The following SGPP2 variants were observed in gnomAD, a reference collection of about 807,000 sequenced individuals.
The protein encoded by SGPP2 is sphingosine 1-phosphate phosphohydrolase 2.
A neutral mutation model predicts 33.9 loss-of-function variants in SGPP2; 30 were observed. The ratio of observed to expected loss-of-function variants is 0.89; its 90% CI spans 0.66 to 1.20. SGPP2 has a LOEUF of 1.20. SGPP2 is among the 50% of genes most tolerant of loss of function. SGPP2 has a pLI of 0.00. For missense variants in SGPP2, 458 were observed against 532.1 expected, an observed-to-expected ratio of 0.86 and a Z score of 1.37; for synonymous variants, 233 against 225.0, an observed-to-expected ratio of 1.04 and a Z score of -0.32.
chr2:222,424,140 C>T (rs568843554), upstream of SGPP2, among the ~76,000 whole-genome samples: 186 of 152,204 alleles, frequency 1.2e-3, 3 homozygotes, highest in Admixed American at 0.011. Context: ...TCACCTTGGG[C>T]TCAGAGTTGC....
intron 1 of SGPP2, chr2:222,453,197 G>A: frequency 1.3e-6 from 1 of 776,780 alleles, no homozygotes; most frequent in Non-Finnish European, 2.4e-6. Context: ...AGGATGGATA[G>A]TTTCTTCAGG....
intron 4 of SGPP2, among the ~76,000 whole-genome samples, chr2:222,547,951 T>A (rs932226396): frequency 2.0e-5 from 3 of 152,200 alleles, no homozygotes; most frequent in Non-Finnish European, 4.4e-5. Context: ...AAGGAACTAG[T>A]AAGTATGTAT....
chr2:222,468,499 G>A (rs1371504892), intron 1 of SGPP2, among the ~76,000 whole-genome samples: 3 of 152,108 alleles, frequency 2.0e-5, no homozygotes, highest in African/African-American at 7.2e-5. Context: ...CTTCCCCAAG[G>A]TCACACTTTG....
chr2:222,463,126 C>T (rs972445036), intron 1 of SGPP2, among the ~76,000 whole-genome samples: 1 of 152,180 alleles, frequency 6.6e-6, no homozygotes, highest in Non-Finnish European at 1.5e-5. Context: ...AGCGTGGAGA[C>T]AGCAAGACTC....
At chr2:222,469,419 G>A (rs1287556662) in intron 1 of SGPP2, among the ~76,000 whole-genome samples, 2 of 152,168 alleles carry the variant, frequency 1.3e-5, no homozygotes, top group African/African-American at 2.4e-5. Flanking sequence ...TCCTGACCTC[G>A]TGATCTACCT....
intron 2 of SGPP2, among the ~76,000 whole-genome samples, chr2:222,481,478 T>C (rs1049458568): frequency 5.9e-5 from 9 of 152,366 alleles, no homozygotes; most frequent in African/African-American, 2.2e-4. Context: ...TGTATCTTTA[T>C]ATGTAAGATG....
In SGPP2 at chr2:222,476,484, G is replaced by C. The variant is rs78701408; in HGVS notation, c.378+1758G>C. Among the ~76,000 whole-genome samples, 1 of 152,074 alleles carries C rather than the reference G, an allele frequency of 6.6e-6. No homozygotes were observed. Among genetic ancestry groups the C allele is most frequent in the African/African-American group, 2.4e-5 (1 of 41,400 alleles). On this transcript the variant is annotated intron_variant, in intron 2 of 4. Transcript: ENST00000321276. This position sits in a 1 kb window ranked among gnomAD's most constrained non-coding sequence, Gnocchi z 4.3. ...AATCTGAGAGTCTGCAAAAGCATAG[G>C]CATCTTGCAAATCATAAAGAGAACG...
intron 2 of SGPP2, among the ~76,000 whole-genome samples, chr2:222,520,728 A>G (rs1366955892): frequency 3.6e-5 from 3 of 82,624 alleles, no homozygotes; most frequent in African/African-American, 9.2e-5. Flanking sequence ...CTCTGAAAAA[A>G]AAAAAAAAAA....
At chr2:222,448,321 A>C (rs1697427054) in intron 1 of SGPP2, among the ~76,000 whole-genome samples, 2 of 152,324 alleles carry the variant, frequency 1.3e-5, no homozygotes, top group South Asian at 4.1e-4. Context: ...TTGTTCAAAC[A>C]AAAGGACTGT....
intron 2 of SGPP2, among the ~76,000 whole-genome samples, chr2:222,501,130 A>G (rs1219883658): frequency 6.6e-6 from 1 of 152,146 alleles, no homozygotes; most frequent in Non-Finnish European, 1.5e-5. Context: ...AGACCCTTAG[A>G]ACAAGTGCAC....
At chr2:222,479,000 C>T (rs929670935) in intron 2 of SGPP2, among the ~76,000 whole-genome samples, 4 of 152,162 alleles carry the variant, frequency 2.6e-5, no homozygotes, top group Admixed American at 6.5e-5. Flanking sequence ...ATATGCCATT[C>T]GCTGTCAGAG....
At chr2:222,521,237 A>G (rs1487887076) in intron 2 of SGPP2, among the ~76,000 whole-genome samples, 1 of 152,232 alleles carries the variant, frequency 6.6e-6, no homozygotes, top group Admixed American at 6.5e-5. Flanking sequence ...TTTGAAAACA[A>G]GTGCTGCCTG....
At chr2:222,443,942 T>C (rs773857919) in intron 1 of SGPP2, among the ~76,000 whole-genome samples, 13 of 152,248 alleles carry the variant, frequency 8.5e-5, no homozygotes, top group Non-Finnish European at 1.5e-4. Context: ...CCTAGAGTTC[T>C]GAGATGTAAA....
At position 222,550,167 on chromosome 2, in the gene SGPP2, C is replaced by T. The variant is rs369382260; in HGVS notation, c.649-8180C>T. 2.0e-5 allele frequency among the ~76,000 whole-genome samples: 3 copies of T among 152,130 alleles called. No homozygotes were observed. The highest frequency in any genetic ancestry group is 6.5e-5 in the Admixed American group (1 of 15,278). The stretch of plus-strand genomic sequence containing the variant: ...TGCTGGGATTACAGGCATGAGCCAC[C>T]GCACCCAGCCTGTATGCCTTTATTT... On this transcript the variant is annotated intron_variant, in intron 4 of 4. Coordinates refer to ENST00000321276, the MANE Select transcript of SGPP2 (RefSeq NM_152386.4). The surrounding 1 kb of genome is among the most constrained non-coding windows in gnomAD (Gnocchi z 4.5).
chr2:222,503,525 T>A (rs757403108), intron 2 of SGPP2, among the ~76,000 whole-genome samples: 1 of 152,180 alleles, frequency 6.6e-6, no homozygotes, highest in Admixed American at 6.5e-5. Context: ...TGGTAATAAT[T>A]GCTTTGAATC....
chr2:222,443,577 C>G (rs1236815806), intron 1 of SGPP2, among the ~76,000 whole-genome samples: 1 of 152,204 alleles, frequency 6.6e-6, no homozygotes, highest in East Asian at 1.9e-4. Flanking sequence ...TGTTGCTCTT[C>G]CCTCTGCCAT....
At chr2:222,461,622 G>A (rs1013772479) in intron 1 of SGPP2, among the ~76,000 whole-genome samples, 3 of 151,824 alleles carry the variant, frequency 2.0e-5, no homozygotes, top group Non-Finnish European at 4.4e-5. Context: ...AAGGGTGATG[G>A]GAGACAGTGA....
chr2:222,502,741 C>T (rs1344782857), intron 2 of SGPP2, among the ~76,000 whole-genome samples: 6 of 152,188 alleles, frequency 3.9e-5, no homozygotes, highest in Admixed American at 6.5e-5. Flanking sequence ...TATCAATACA[C>T]CATGCTGAGA....
chr2:222,552,895 A>G (rs1689321157), intron 4 of SGPP2, among the ~76,000 whole-genome samples: 1 of 152,138 alleles, frequency 6.6e-6, no homozygotes, highest in South Asian at 2.1e-4. Context: ...CATGTAACCA[A>G]CCACCACCTG....
Sources: gnomAD v4.1 joint callset for allele counts (sites outside exome capture counted in the v4.1 genomes callset) on GRCh38, gnomAD v4.1.1 for gene constraint, Gnocchi (gnomAD v3.1) non-coding constraint, MANE v1.5 for transcripts, NCBI Gene and HGNC (gene_info 2026-07-23, HGNC 2026-07-21) for gene names.